Variants in PCDH15 observed in about 807,000 individuals in gnomAD.
PCDH15 encodes the protein protocadherin-15.
In PCDH15, 129 loss-of-function variants were observed where a neutral mutation model predicts 178.5. The ratio of observed to expected loss-of-function variants is 0.72; its 90% CI spans 0.63 to 0.84. The LOEUF is 0.84. Among genes scored for constraint, PCDH15 ranks in the 40% least tolerant of loss-of-function variants. The probability of loss-of-function intolerance (pLI) is 0.00; values close to 1 mark genes in which losing one functional copy is unlikely to be tolerated. For missense variants in PCDH15, 2,230 were observed against 2,099.9 expected (o/e 1.06, Z -1.21); for synonymous variants, 800 against 732.0 (o/e 1.09, Z -1.50).
Position 55,434,077 on chromosome 10 carries a change from C to CTTTTTTTTTTTT in PCDH15, c.-156+193536_-156+193547dup, listed in dbSNP as rs60921527. Among the ~76,000 whole-genome samples, 552 of 90,788 alleles carry CTTTTTTTTTTTT rather than the reference C, an allele frequency of 6.1e-3. 8 individuals carry two copies. The highest frequency in any genetic ancestry group is 0.017 in the East Asian group (46 of 2,786). The allele number at this position is 90,788 out of a possible 152,430, so 59.6% of individuals were successfully genotyped here. A position where few individuals can be genotyped will look rare whatever the true frequency, so the allele number is the denominator to read the frequency against. ...AATTCTCCGCTTTTTCTTTTCTTTT[C>CTTTTTTTTTTTT]TTTTTTTTTTTTTTTTTTTTTGAGA... On this transcript the variant is annotated intron_variant, in intron 2 of 5. Transcript: ENST00000613346.
intron 8 of PCDH15, among the ~76,000 whole-genome samples, chr10:54,252,490 T>A (rs1213244112): frequency 1.3e-5 from 2 of 152,164 alleles, no homozygotes; most frequent in African/African-American, 4.8e-5. Flanking sequence ...ACTATTCCCA[T>A]TAAAATATGC....
chr10:54,263,804 G>T (rs2132339259), intron 8 of PCDH15, among the ~76,000 whole-genome samples: 1 of 152,226 alleles, frequency 6.6e-6, no homozygotes, highest in African/African-American at 2.4e-5. Context: ...TATTGTTCCT[G>T]GGTGTGTTTT....
intron 2 of PCDH15, among the ~76,000 whole-genome samples, chr10:55,617,537 G>A (rs367801504): frequency 1.3e-5 from 2 of 151,994 alleles, no homozygotes; most frequent in African/African-American, 4.8e-5. Flanking sequence ...GAGCTTGAAT[G>A]TAAGATCTGA....
chr10:54,511,695 A>G (rs2081682764), intron 3 of PCDH15, among the ~76,000 whole-genome samples: 1 of 152,320 alleles, frequency 6.6e-6, no homozygotes, highest in South Asian at 2.1e-4. Context: ...AACCAAACAC[A>G]TATCTAGTCT....
intron 11 of PCDH15, among the ~76,000 whole-genome samples, chr10:54,189,919 A>ATGTGTGTGTGTGTGTG (rs531733552): frequency 1.0e-4 from 11 of 108,824 alleles, no homozygotes; most frequent in African/African-American, 3.5e-4. Flanking sequence ...GTATACATGC[A>ATGTGTGTGTGTGTGTG]TGTGTATGTG....
At chr10:54,823,370 C>T (rs144813933) in intron 3 of PCDH15, among the ~76,000 whole-genome samples, 1 of 152,222 alleles carries the variant, frequency 6.6e-6, no homozygotes, top group East Asian at 1.9e-4. Flanking sequence ...CAAGAGATAA[C>T]ATTACCATTA....
At position 54,329,711 on chromosome 10, in the gene PCDH15, A is replaced by G. The variant is rs1304844791; in HGVS notation, c.595-5T>C. ...TTCAAAGGTGTCATTGGATGTCTGC[A>G]AATATTAAAGATACAGACTTCAGAT... On this transcript the variant is annotated splice_polypyrimidine_tract_variant and splice_region_variant and intron_variant, in intron 6 of 37. Coordinates refer to ENST00000644397, the MANE Select transcript of PCDH15 (RefSeq NM_001384140.1). 1 of 1,511,268 alleles carries G rather than the reference A, an allele frequency of 6.6e-7. No homozygotes were observed. The highest frequency in any genetic ancestry group is 1.7e-5 in the Admixed American group (1 of 59,782). The allele number at this position is 1,511,268 out of a possible 1,614,324, so 93.6% of individuals were successfully genotyped here.
At chr10:55,302,073 T>C (rs1019344590) in intron 1 of PCDH15, among the ~76,000 whole-genome samples, 1 of 152,186 alleles carries the variant, frequency 6.6e-6, no homozygotes, top group African/African-American at 2.4e-5. Flanking sequence ...TTCCATTGCC[T>C]TTCCATATAC....
At chr10:54,985,023 C>A (rs2131909166) in intron 2 of PCDH15, among the ~76,000 whole-genome samples, 1 of 152,192 alleles carries the variant, frequency 6.6e-6, no homozygotes, top group East Asian at 1.9e-4. Flanking sequence ...GTAAAAGTAT[C>A]ACACCCTTTC....
At chr10:55,133,726 T>C (rs147907969) in intron 2 of PCDH15, among the ~76,000 whole-genome samples, 2 of 152,192 alleles carry the variant, frequency 1.3e-5, no homozygotes, top group South Asian at 4.1e-4. Flanking sequence ...TTTTGGTTTT[T>C]GGCAACTTCA....
At chr10:54,735,228 T>C (rs1943945156) in intron 1 of PCDH15, among the ~76,000 whole-genome samples, 2 of 152,114 alleles carry the variant, frequency 1.3e-5, no homozygotes, top group Admixed American at 1.3e-4. Flanking sequence ...ATTTTGCTTT[T>C]GACCAATTTG....
intron 2 of PCDH15, among the ~76,000 whole-genome samples, chr10:54,647,011 C>G (rs2094143961): frequency 6.6e-6 from 1 of 151,996 alleles, no homozygotes; most frequent in Non-Finnish European, 1.5e-5. Context: ...TAACTGAAAT[C>G]AGGATCTTAA....
intron 18 of PCDH15, among the ~76,000 whole-genome samples, chr10:54,060,215 T>C (rs1310309745): frequency 1.3e-5 from 2 of 152,230 alleles, no homozygotes; most frequent in African/African-American, 2.4e-5. Context: ...AAACGCTGTT[T>C]ATAATCTGAC....
At chr10:54,947,478 T>G (rs373558096) in intron 2 of PCDH15, among the ~76,000 whole-genome samples, 1 of 151,956 alleles carries the variant, frequency 6.6e-6, no homozygotes, top group South Asian at 2.1e-4. Flanking sequence ...TTAAATAACT[T>G]GCCCAAGGTC....
At chr10:54,472,472 A>G (rs778025971) in intron 3 of PCDH15, among the ~76,000 whole-genome samples, 4 of 152,198 alleles carry the variant, frequency 2.6e-5, no homozygotes, top group Non-Finnish European at 5.9e-5. Context: ...CTCAGGCACT[A>G]GCCAAAAGCC....
At chr10:55,385,170 G>A (rs1837621750) in intron 2 of PCDH15, among the ~76,000 whole-genome samples, 1 of 152,016 alleles carries the variant, frequency 6.6e-6, no homozygotes, top group South Asian at 2.1e-4. Context: ...TTACGTGTTT[G>A]GCCTAAACAA....
chr10:54,630,355 G>T (rs1345839738), intron 2 of PCDH15, among the ~76,000 whole-genome samples: 2 of 152,182 alleles, frequency 1.3e-5, no homozygotes, highest in Middle Eastern at 3.4e-3. Flanking sequence ...CAGAAATAAG[G>T]CTGCTTACTT....
At chr10:54,082,838 T>C (rs1311306045) in intron 16 of PCDH15, among the ~76,000 whole-genome samples, 1 of 150,188 alleles carries the variant, frequency 6.7e-6, no homozygotes, top group Non-Finnish European at 1.5e-5. Context: ...CTGGAGAAAA[T>C]ACTTACAAAT....
At chr10:54,553,798 C>T (rs1458072425) in intron 2 of PCDH15, among the ~76,000 whole-genome samples, 2 of 151,916 alleles carry the variant, frequency 1.3e-5, no homozygotes, top group African/African-American at 4.8e-5. Flanking sequence ...CTCAGATTAT[C>T]GAGGCTGGGA....
Sources: allele counts gnomAD v4.1 joint callset (sites outside exome capture counted in the v4.1 genomes callset), GRCh38; gene constraint gnomAD v4.1.1; transcripts MANE v1.5; gene names NCBI Gene and HGNC (gene_info 2026-07-23, HGNC 2026-07-21).